The following ITGB5 variants were observed in gnomAD, a reference collection of about 807,000 sequenced individuals.
ITGB5 encodes integrin beta-5.
A neutral mutation model predicts 84.8 loss-of-function variants in ITGB5; 38 were observed. The ratio of observed to expected loss-of-function variants is 0.45; its 90% CI spans 0.35 to 0.59. The LOEUF (loss-of-function observed/expected upper bound fraction) is 0.59. Among genes scored for constraint, ITGB5 ranks in the 20% least tolerant of loss-of-function variants. The pLI is 0.01. For missense variants in ITGB5, 905 were observed against 1,034.5 expected, an observed-to-expected ratio of 0.87 and a Z score of 1.72; for synonymous variants, 393 against 414.4, an observed-to-expected ratio of 0.95 and a Z score of 0.63.
chr3:124,859,456 G>T lies in ITGB5; in HGVS notation c.157-10C>A. 6.2e-7 allele frequency: 1 copy of T among 1,608,594 alleles called. No individual in the cohort carries two copies. Among genetic ancestry groups the T allele is most frequent in the Non-Finnish European group, 8.5e-7 (1 of 1,178,022 alleles). The stretch of plus-strand genomic sequence containing the variant: ...GTGGGCTTCCGAAGTCCTAGGCAGG[G>T]AAAAAGAGGAAGAGAGCAGGAGGTG... On this transcript the variant is annotated splice_polypyrimidine_tract_variant and intron_variant, in intron 2 of 14. Transcript: ENST00000296181.
At chr3:124,823,774 A>T (rs2064743439) in intron 5 of ITGB5, among the ~76,000 whole-genome samples, 1 of 152,072 alleles carries the variant, frequency 6.6e-6, no homozygotes. Flanking sequence ...GATGCTTGGG[A>T]AATAAAATAC....
intron 9 of ITGB5, among the ~76,000 whole-genome samples, chr3:124,801,983 C>A (rs1359092691): frequency 6.6e-6 from 1 of 152,244 alleles, no homozygotes; most frequent in African/African-American, 2.4e-5. Flanking sequence ...GACCAGCCCA[C>A]CCCGGCTTTC....
At chr3:124,895,805 G>C (rs1284692884) in intron 1 of ITGB5, among the ~76,000 whole-genome samples, 2 of 152,146 alleles carry the variant, frequency 1.3e-5, no homozygotes, top group Non-Finnish European at 2.9e-5. Context: ...TTCAATTGCT[G>C]GTGGAGGAAA....
intron 8 of ITGB5, among the ~76,000 whole-genome samples, chr3:124,813,559 T>G (rs1369787326): frequency 1.3e-5 from 2 of 152,206 alleles, no homozygotes; most frequent in Non-Finnish European, 2.9e-5. Flanking sequence ...ATCAATTTGC[T>G]AGAATGGCTC....
chr3:124,858,565 G>T (rs2065251354), intron 3 of ITGB5, among the ~76,000 whole-genome samples: 1 of 152,140 alleles, frequency 6.6e-6, no homozygotes, highest in Non-Finnish European at 1.5e-5. Context: ...GCCAAAAAAG[G>T]AATGAAGTGC....
chr3:124,765,185 C>A lies in ITGB5; in HGVS notation c.2138-628G>T, dbSNP rs533355399. On this transcript the variant is annotated intron_variant, in intron 13 of 14. Coordinates refer to ENST00000296181, the MANE Select transcript of ITGB5 (RefSeq NM_002213.5). ...GTGCTGTCGATTGAAGAGAGCAAAT[C>A]TTTTTCTGCTCCACCCCTGCCTCCC... Among the ~76,000 whole-genome samples the A allele has an allele frequency of 3.3e-5, 5 of 152,296 alleles. No individual in the cohort carries two copies. In the South Asian group the frequency reaches 1.0e-3, roughly 32 times the overall value.
intron 10 of ITGB5, among the ~76,000 whole-genome samples, chr3:124,779,795 C>T (rs1341802441): frequency 6.6e-6 from 1 of 152,194 alleles, no homozygotes; most frequent in Admixed American, 6.5e-5. Flanking sequence ...TTAAACATCA[C>T]TGCCTTATCA....
chr3:124,819,922 A>G, intron 6 of ITGB5, 88 bp from the exon 7 acceptor site: 1 of 960,962 alleles, frequency 1.0e-6, no homozygotes. Flanking sequence ...AGCAGCCAGC[A>G]TTTGCCAGGG....
At chr3:124,859,114 T>C in intron 3 of ITGB5, 128 bp downstream of exon 3, 1 of 833,810 alleles carries the variant, frequency 1.2e-6, no homozygotes, top group Non-Finnish European at 1.9e-6. Flanking sequence ...GAGCCTTGCC[T>C]CCCCATCACC....
chr3:124,803,717 C>T (rs996265657), intron 9 of ITGB5, among the ~76,000 whole-genome samples: 3 of 152,152 alleles, frequency 2.0e-5, no homozygotes, highest in Admixed American at 6.5e-5. Flanking sequence ...GCTCAGTCAG[C>T]GGCACTCTCC....
chr3:124,809,314 C>G, intron 8 of ITGB5, 158 bp from the exon 9 acceptor site: 2 of 672,092 alleles, frequency 3.0e-6, no homozygotes, highest in Non-Finnish European at 5.1e-6. Flanking sequence ...CTCCCTCATC[C>G]TTTCCCTTCT....
At chr3:124,817,883 A>G (rs918379056) in intron 7 of ITGB5, among the ~76,000 whole-genome samples, 173 bp from the exon 8 acceptor site, 1 of 152,202 alleles carries the variant, frequency 6.6e-6, no homozygotes, top group African/African-American at 2.4e-5. Flanking sequence ...GAAATGGCAC[A>G]GAAGAAGAGT....
chr3:124,778,088 C>T (rs1479163367), intron 10 of ITGB5, among the ~76,000 whole-genome samples: 4 of 152,248 alleles, frequency 2.6e-5, no homozygotes, highest in Admixed American at 1.3e-4. Context: ...CAAAACAAAG[C>T]TAACATCTAA....
At chr3:124,862,565 TAA>T (rs1287823289) in intron 2 of ITGB5, 4 of 152,274 alleles carry the variant, frequency 2.6e-5, no homozygotes, top group African/African-American at 9.7e-5. Context: ...TCAGGAGACT[TAA>T]AGTCCAAATC....
intron 2 of ITGB5, among the ~76,000 whole-genome samples, chr3:124,860,600 T>C (rs1284302413): frequency 6.6e-6 from 1 of 152,216 alleles, no homozygotes; most frequent in East Asian, 1.9e-4. Flanking sequence ...GAAGCCTCCC[T>C]GGTCATTTCC....
intron 12 of ITGB5, 110 bp downstream of exon 12, chr3:124,768,903 C>A (rs1285152822): frequency 2.9e-5 from 21 of 732,996 alleles, no homozygotes; most frequent in Non-Finnish European, 1.6e-5. Flanking sequence ...GGGGAGCCCA[C>A]AGTTATGCCC....
chr3:124,794,044 T>C (rs2064186525), intron 10 of ITGB5, among the ~76,000 whole-genome samples: 1 of 152,224 alleles, frequency 6.6e-6, no homozygotes, highest in Non-Finnish European at 1.5e-5. Flanking sequence ...CTGGTTTGCT[T>C]CAGATGCACC....
chr3:124,831,073 T>A (rs983939438), intron 5 of ITGB5, among the ~76,000 whole-genome samples: 3 of 152,100 alleles, frequency 2.0e-5, no homozygotes, highest in Admixed American at 6.5e-5. Context: ...CCCTAGTACA[T>A]CCCCTGGAAT....
chr3:124,887,867 A>G, upstream of ITGB5: 1 of 263,656 alleles, frequency 3.8e-6, no homozygotes, highest in Non-Finnish European at 7.9e-6. Flanking sequence ...TGAGCAAGGG[A>G]GGGCGTGGTG....
Sources: allele counts gnomAD v4.1 joint callset (sites outside exome capture counted in the v4.1 genomes callset), GRCh38; gene constraint gnomAD v4.1.1; transcripts MANE v1.5; gene names NCBI Gene and HGNC (gene_info 2026-07-23, HGNC 2026-07-21).